CECR2: variants seen among roughly 807,000 people sequenced by gnomAD.
CECR2 encodes CECR2 histone acetyl-lysine reader.
CECR2 carries 30 observed loss-of-function variants against 154.5 expected under a neutral mutation model. The ratio of observed to expected loss-of-function variants is 0.19; its 90% CI spans 0.15 to 0.26. CECR2 has a LOEUF of 0.26. Ranked by LOEUF, CECR2 falls within the 10% of genes least tolerant of loss-of-function variation. The pLI, the probability that CECR2 is intolerant of heterozygous loss-of-function variation, is 1.00. For missense variants in CECR2, 1,743 were observed against 1,829.3 expected (o/e 0.95, Z 0.86); for synonymous variants, 725 against 683.7 (o/e 1.06, Z -0.94).
intron 7 of CECR2, among the ~76,000 whole-genome samples, chr22:17,507,483 C>T (rs1037884858): frequency 3.3e-5 from 5 of 152,116 alleles, no homozygotes; most frequent in African/African-American, 9.7e-5. Flanking sequence ...TTATTGATAT[C>T]ATCAGTCATG....
chr22:17,469,217 T>C (rs73379469), intron 1 of CECR2, among the ~76,000 whole-genome samples: 5,027 of 152,108 alleles, frequency 0.033, 298 homozygotes, highest in African/African-American at 0.12. Context: ...AGCTGTGGCA[T>C]CTGAAGGCAT....
In CECR2 at chr22:17,548,780, T is replaced by G; in HGVS notation, c.3493T>G (p.Ser1165Ala). 6.2e-7 allele frequency: 1 copy of G among 1,613,714 alleles called. No individual in the cohort carries two copies. ...PQHFPPRGFQSNHPHSGGFPR... is the reference protein window; with the variant it reads ...PQHFPPRGFQANHPHSGGFPR... ...GCATTTTCCCCCAAGGGGCTTTCAG[T>G]CTAACCACCCACATTCTGGAGGCTT... The change falls in exon 17 of 19, where the codon TCT becomes GCT. Residue 1165 changes from serine (S) to alanine (A), a missense_variant. Physicochemically the swap from Ser to Ala is moderately conservative, Grantham distance 99. Transcript: ENST00000262608.
At chr22:17,525,567 C>T (rs927711961) in intron 9 of CECR2, among the ~76,000 whole-genome samples, 12 of 151,838 alleles carry the variant, frequency 7.9e-5, no homozygotes, top group Non-Finnish European at 1.5e-4. Context: ...GATCGTGCTA[C>T]TGCACTCCAG....
intron 1 of CECR2, among the ~76,000 whole-genome samples, chr22:17,399,814 T>C (rs1396194371): frequency 6.6e-6 from 1 of 152,200 alleles, no homozygotes; most frequent in Non-Finnish European, 1.5e-5. Context: ...TTTAGTGTAA[T>C]TTCATCATTT....
chr22:17,454,112 T>G (rs916906279), intron 1 of CECR2, among the ~76,000 whole-genome samples: 2 of 152,212 alleles, frequency 1.3e-5, no homozygotes, highest in African/African-American at 4.8e-5. Context: ...TTTAGCACAG[T>G]GTGTAGCACA....
chr22:17,463,903 G>A (rs2054984763), intron 1 of CECR2, among the ~76,000 whole-genome samples: 1 of 152,140 alleles, frequency 6.6e-6, no homozygotes, highest in African/African-American at 2.4e-5. Flanking sequence ...TAGAGTTGGA[G>A]GGCTAGGGTG....
At position 17,557,721 on chromosome 22, in the gene CECR2, C is replaced by G. The variant is rs1471113514; in HGVS notation, c.*4881C>G. 2.0e-5 allele frequency: 3 copies of G among 152,244 alleles called. No individual in the cohort carries two copies. The highest frequency in any genetic ancestry group is 7.2e-5 in the African/African-American group (3 of 41,418). 9.4% of individuals were successfully genotyped at this position (152,244 alleles called of 1,614,324 possible). A position where few individuals can be genotyped will look rare whatever the true frequency, so the allele number is the denominator to read the frequency against. On this transcript the variant is annotated 3_prime_UTR_variant, in exon 19 of 19. Coordinates refer to ENST00000262608, the MANE Select transcript of CECR2 (RefSeq NM_001290047.2). ...ATTGCATAAGTTATTGAAATGCTGACCCCCGTTCAGGAAACCATGCAGCCC... is the reference window on the plus strand; with the variant it reads ...ATTGCATAAGTTATTGAAATGCTGAGCCCCGTTCAGGAAACCATGCAGCCC...
chr22:17,427,028 A>G (rs567411765), intron 1 of CECR2, among the ~76,000 whole-genome samples: 9 of 150,438 alleles, frequency 6.0e-5, no homozygotes, highest in Admixed American at 6.0e-4. Flanking sequence ...ACCCCACGAC[A>G]GGCCCTGGTG....
In CECR2 at chr22:17,487,471, G is replaced by A. The variant is rs143551589; in HGVS notation, c.221+9789G>A. Among the ~76,000 whole-genome samples the A allele has an allele frequency of 1.1e-4, 16 of 152,142 alleles. No individual in the cohort carries two copies. The East Asian group carries it at 1.9e-3, about 18-fold the overall frequency. ...TCCCAGCACTTTGGGAGGCCGAGGC[G>A]GGTGGATCACTAGGTCAGGAGATAG... On this transcript the variant is annotated intron_variant, in intron 2 of 18. Coordinates refer to ENST00000262608, the MANE Select transcript of CECR2 (RefSeq NM_001290047.2).
chr22:17,534,684 C>CT (rs139154659), intron 9 of CECR2: 30,883 of 141,004 alleles, frequency 0.22, 3,571 homozygotes, highest in African/African-American at 0.29. Context: ...ATTTTTTTTT[C>CT]TTTTTTTTTT....
At chr22:17,538,829 T>G in intron 12 of CECR2, 98 bp downstream of exon 12, 1 of 1,306,784 alleles carries the variant, frequency 7.7e-7, no homozygotes, top group Non-Finnish European at 1.1e-6. Context: ...TTTTGATACG[T>G]TTTTCTTTTC....
intron 3 of CECR2, 112 bp downstream of exon 3, chr22:17,497,698 G>A: frequency 1.0e-6 from 1 of 1,001,954 alleles, no homozygotes; most frequent in Non-Finnish European, 1.5e-6. Flanking sequence ...TGTGGTACTA[G>A]TCTTGGTACT....
intron 1 of CECR2, among the ~76,000 whole-genome samples, chr22:17,444,833 C>T (rs1310286320): frequency 3.9e-5 from 6 of 152,134 alleles, no homozygotes; most frequent in Non-Finnish European, 7.3e-5. Context: ...GTAGGAGCAC[C>T]GTTGGGTTTA....
chr22:17,370,112 G>C (rs1176191220), intron 1 of CECR2, among the ~76,000 whole-genome samples: 1 of 151,146 alleles, frequency 6.6e-6, no homozygotes, highest in Non-Finnish European at 1.5e-5. Flanking sequence ...GCGTCGGGCC[G>C]GGGACGCCGG....
In CECR2 at chr22:17,447,033, C is replaced by CTTTTTTTTTTTTTTTTTTT. The variant is rs1555910503; in HGVS notation, c.127-30554_127-30536dup. On this transcript the variant is annotated intron_variant, in intron 1 of 18. Coordinates refer to ENST00000262608, the MANE Select transcript of CECR2 (RefSeq NM_001290047.2). Reference sequence around the variant, plus strand: ...GAGTGCTGAGTGGTGCGTTTACAATCTTTTTTTTTTTTTTTTTTTGAGACA... The same window carrying CTTTTTTTTTTTTTTTTTTT: ...GAGTGCTGAGTGGTGCGTTTACAATCTTTTTTTTTTTTTTTTTTTTTTTTTTTTTTTTTTTTTTGAGACA... 7.0e-5 allele frequency among the ~76,000 whole-genome samples: 8 copies of CTTTTTTTTTTTTTTTTTTT among 114,110 alleles called. 2 individuals are homozygous for CTTTTTTTTTTTTTTTTTTT. The highest frequency in any genetic ancestry group is 3.0e-4 in the African/African-American group (8 of 26,652). The allele number at this position is 114,110 out of a possible 152,430, so 74.9% of individuals were successfully genotyped here.
At chr22:17,396,699 T>G (rs1383115829) in intron 1 of CECR2, among the ~76,000 whole-genome samples, 1 of 152,224 alleles carries the variant, frequency 6.6e-6, no homozygotes, top group African/African-American at 2.4e-5. Context: ...GTTGAGTGTT[T>G]AGAACATTCC....
chr22:17,419,718 G>C (rs2054216206), intron 1 of CECR2: 2 of 99,838 alleles, frequency 2.0e-5, no homozygotes, highest in African/African-American at 4.1e-4. Flanking sequence ...CTAGAGAGCT[G>C]ATGGATAAAT....
intron 1 of CECR2, chr22:17,428,205 G>T (rs1411067879): frequency 6.6e-6 from 1 of 152,146 alleles, no homozygotes; most frequent in Non-Finnish European, 1.5e-5. Flanking sequence ...GTTGTTTGTA[G>T]ATTCTGGATA....
At chr22:17,505,865 C>G (rs1274543585) in intron 7 of CECR2, among the ~76,000 whole-genome samples, 1 of 96,246 alleles carries the variant, frequency 1.0e-5, no homozygotes, top group African/African-American at 4.1e-5. Context: ...TTTTTAAGGA[C>G]AAGCTCTCTC....
Sources: gnomAD v4.1 joint callset for allele counts (sites outside exome capture counted in the v4.1 genomes callset) on GRCh38, gnomAD v4.1.1 for gene constraint, MANE v1.5 for transcripts, NCBI Gene and HGNC (gene_info 2026-07-23, HGNC 2026-07-21) for gene names.